The following RNF11 variants were observed in gnomAD, a reference collection of about 807,000 sequenced individuals.
RNF11 encodes ring finger protein 11.
A neutral mutation model predicts 15.8 loss-of-function variants in RNF11; 4 were observed. The ratio of observed to expected loss-of-function variants is 0.25; its 90% CI spans 0.12 to 0.58. RNF11 has a LOEUF of 0.58. Among genes scored for constraint, RNF11 ranks in the 20% least tolerant of loss-of-function variants. The pLI, the probability that RNF11 is intolerant of heterozygous loss-of-function variation, is 0.91. For missense variants in RNF11, 139 were observed against 194.4 expected, an observed-to-expected ratio of 0.71 and a Z score of 1.70; for synonymous variants, 68 against 72.3, an observed-to-expected ratio of 0.94 and a Z score of 0.30.
chr1:51,253,823 T>C (rs1646892088), intron 1 of RNF11, among the ~76,000 whole-genome samples: 1 of 152,216 alleles, frequency 6.6e-6, no homozygotes, highest in South Asian at 2.1e-4. Context: ...ATTTTATTTG[T>C]ATAAATTTTT....
Position 51,238,855 on chromosome 1 carries a change from G to T in RNF11, c.123+1976G>T, listed in dbSNP as rs191763572. 4.7e-3 allele frequency among the ~76,000 whole-genome samples: 715 copies of T among 152,006 alleles called. 13 individuals carry two copies. The highest frequency in any genetic ancestry group is 5.0e-3 in the Non-Finnish European group (343 of 67,972). On this transcript the variant is annotated intron_variant, in intron 1 of 2. Transcript: ENST00000242719. ...AGCGATTCTCCTGCCTCAGCCTCCT[G>T]AGTAGCTGGGATTACAGGCGCGTGC...
chr1:51,268,378 T>G (rs1646964309), intron 1 of RNF11, among the ~76,000 whole-genome samples: 1 of 152,228 alleles, frequency 6.6e-6, no homozygotes, highest in African/African-American at 2.4e-5. Context: ...AGAGGGTTCC[T>G]TTGTTTTAAC....
intron 1 of RNF11, among the ~76,000 whole-genome samples, chr1:51,258,775 T>C (rs1056245489): frequency 1.3e-5 from 2 of 152,238 alleles, no homozygotes; most frequent in African/African-American, 2.4e-5. Flanking sequence ...ATCTCCCTGA[T>C]AGGCAATCTG....
chr1:51,245,442 C>A (rs900359583), intron 1 of RNF11, among the ~76,000 whole-genome samples: 3 of 151,046 alleles, frequency 2.0e-5, no homozygotes, highest in African/African-American at 7.3e-5. Context: ...TGTGAGCCAC[C>A]ATGCCCACCC....
chr1:51,260,606 TTTAA>T (rs1646926627), intron 1 of RNF11, among the ~76,000 whole-genome samples: 1 of 152,216 alleles, frequency 6.6e-6, no homozygotes, highest in Non-Finnish European at 1.5e-5. Flanking sequence ...ATCCAGAGTC[TTTAA>T]TTATGTAGGA....
At position 51,237,009 on chromosome 1, in the gene RNF11, G is replaced by T. The variant is rs1646806747; in HGVS notation, c.123+130G>T. On this transcript the variant is annotated intron_variant, in intron 1 of 2. Coordinates refer to ENST00000242719, the MANE Select transcript of RNF11 (RefSeq NM_014372.5). The stretch of plus-strand genomic sequence containing the variant: ...GGGCGGCATTGACCCCTTAGGGCTG[G>T]ATCTGAGGGCATTTGCTCTCTGATC... 4.1e-6 allele frequency: 5 copies of T among 1,216,024 alleles called. No homozygotes were observed. In the Admixed American group the frequency reaches 8.8e-5, roughly 21 times the overall value. 75.3% of individuals were successfully genotyped at this position (1,216,024 alleles called of 1,614,324 possible). A position where few individuals can be genotyped will look rare whatever the true frequency, so the allele number is the denominator to read the frequency against.
chr1:51,250,543 G>C (rs1004658676), intron 1 of RNF11: 26 of 570,558 alleles, frequency 4.6e-5, no homozygotes, highest in Admixed American at 3.4e-4. Flanking sequence ...TTTGAGATTT[G>C]TGACAATTTT....
intron 1 of RNF11, among the ~76,000 whole-genome samples, chr1:51,260,649 G>A (rs1646926755): frequency 6.6e-6 from 1 of 152,138 alleles, no homozygotes. Flanking sequence ...AAAGCTGTTA[G>A]GCTTTTGGAT....
At chr1:51,245,966 T>C (rs1646850014) in intron 1 of RNF11, among the ~76,000 whole-genome samples, 1 of 152,092 alleles carries the variant, frequency 6.6e-6, no homozygotes, top group African/African-American at 2.4e-5. Flanking sequence ...TGAGACACAG[T>C]CAAGAAAGAA....
chr1:51,266,358 C>T (rs1163599187), intron 1 of RNF11, among the ~76,000 whole-genome samples: 2 of 150,412 alleles, frequency 1.3e-5, no homozygotes, highest in African/African-American at 4.9e-5. Flanking sequence ...TCAAGTTTTC[C>T]TTTTTGGTTT....
chr1:51,242,887 C>T (rs1287373752), intron 1 of RNF11, among the ~76,000 whole-genome samples: 1 of 151,918 alleles, frequency 6.6e-6, no homozygotes, highest in African/African-American at 2.4e-5. Context: ...AAATTTATTT[C>T]ACGTATCTAG....
Position 51,257,437 on chromosome 1 carries a change from AT to A in RNF11, c.124-12513del, listed in dbSNP as rs201614924. Among the ~76,000 whole-genome samples the A allele has an allele frequency of 1.6e-3, 240 of 151,888 alleles. 9 individuals are homozygous for A. The East Asian group carries it at 0.04, about 25-fold the overall frequency. Reference sequence around the variant, plus strand: ...TGGAGTTTTTATTTTAATTTTCTTTATTTTTTATTTACATTTTTTGTTTGTT... The same window carrying A: ...TGGAGTTTTTATTTTAATTTTCTTTATTTTTATTTACATTTTTTGTTTGTT... On this transcript the variant is annotated intron_variant, in intron 1 of 2. Transcript: ENST00000242719.
chr1:51,253,847 G>T (rs1012569597), intron 1 of RNF11, among the ~76,000 whole-genome samples: 63 of 152,056 alleles, frequency 4.1e-4, no homozygotes, highest in African/African-American at 1.5e-3. Flanking sequence ...GGAATTGCTG[G>T]ATCTTGCCAG....
At chr1:51,248,619 G>A (rs985022592) in intron 1 of RNF11, among the ~76,000 whole-genome samples, 2 of 152,178 alleles carry the variant, frequency 1.3e-5, no homozygotes, top group Non-Finnish European at 2.9e-5. Flanking sequence ...GCAATTATGA[G>A]GTCAGCATGA....
intron 1 of RNF11, among the ~76,000 whole-genome samples, chr1:51,246,796 A>G (rs982934091): frequency 1.3e-5 from 2 of 152,158 alleles, no homozygotes; most frequent in African/African-American, 4.8e-5. Context: ...TAATGGCTAC[A>G]TAACTTTATG....
intron 1 of RNF11, among the ~76,000 whole-genome samples, chr1:51,242,485 AAAAC>A (rs1347991999): frequency 2.0e-5 from 3 of 152,146 alleles, no homozygotes; most frequent in Non-Finnish European, 4.4e-5. Flanking sequence ...ACAAAAACAA[AAAAC>A]AAACAAAACC....
chr1:51,241,271 T>G (rs1480059712), intron 1 of RNF11, among the ~76,000 whole-genome samples: 1 of 152,198 alleles, frequency 6.6e-6, no homozygotes, highest in Non-Finnish European at 1.5e-5. Flanking sequence ...TAAAAAAAAT[T>G]TATTTCCTTT....
In RNF11 at chr1:51,271,718, C is replaced by A. The variant is rs1263546608; in HGVS notation, c.*396C>A. 1 of 155,130 alleles carries A rather than the reference C, an allele frequency of 6.4e-6. No homozygotes were observed. Among genetic ancestry groups the A allele is most frequent in the African/African-American group, 2.4e-5 (1 of 41,490 alleles). The allele number at this position is 155,130 out of a possible 1,614,324, so 9.6% of individuals were successfully genotyped here. A position where few individuals can be genotyped will look rare whatever the true frequency, so the allele number is the denominator to read the frequency against. On this transcript the variant is annotated 3_prime_UTR_variant, in exon 3 of 3. Coordinates refer to ENST00000242719, the MANE Select transcript of RNF11 (RefSeq NM_014372.5). Reference sequence around the variant, plus strand: ...TCTCTTCCCCTTCCCCACCCGAATTCTTTTCTGAAGTTGCTGGCATTTGGG... The same window carrying A: ...TCTCTTCCCCTTCCCCACCCGAATTATTTTCTGAAGTTGCTGGCATTTGGG...
intron 1 of RNF11, among the ~76,000 whole-genome samples, chr1:51,245,875 A>G (rs1646849612): frequency 6.6e-6 from 1 of 152,234 alleles, no homozygotes; most frequent in African/African-American, 2.4e-5. Flanking sequence ...AAGAAAAGAA[A>G]TACAACACAT....
Sources: allele counts gnomAD v4.1 joint callset (sites outside exome capture counted in the v4.1 genomes callset), GRCh38; gene constraint gnomAD v4.1.1; transcripts MANE v1.5; gene names NCBI Gene and HGNC (gene_info 2026-07-23, HGNC 2026-07-21).